MVB12B: variants seen among roughly 807,000 people sequenced by gnomAD.
The protein encoded by MVB12B is multivesicular body subunit 12B, also known as ESCRT-I complex subunit MVB12B.
In MVB12B, 16 loss-of-function variants were observed where a neutral mutation model predicts 41.6. The ratio of observed to expected loss-of-function variants is 0.38; its 90% CI spans 0.26 to 0.58. The LOEUF is 0.58. MVB12B is among the 20% of genes least tolerant of loss of function. MVB12B has a pLI of 0.62. For missense variants in MVB12B, 274 were observed against 380.2 expected, an observed-to-expected ratio of 0.72 and a Z score of 2.32; for synonymous variants, 133 against 139.7, an observed-to-expected ratio of 0.95 and a Z score of 0.34.
At chr9:126,384,950 C>T (rs1442862996) in intron 3 of MVB12B, among the ~76,000 whole-genome samples, 1 of 150,950 alleles carries the variant, frequency 6.6e-6, no homozygotes, top group East Asian at 2.0e-4. Flanking sequence ...AATCCTCCTA[C>T]TTCAGCTTCC....
chr9:126,400,345 A>G (rs998631902), intron 6 of MVB12B, among the ~76,000 whole-genome samples: 1 of 152,198 alleles, frequency 6.6e-6, no homozygotes, highest in African/African-American at 2.4e-5. Context: ...CTTTAAAAAA[A>G]TCAGTAAAGA....
intron 7 of MVB12B, among the ~76,000 whole-genome samples, chr9:126,446,938 C>CTTTTTTTTTTTTTTTTTTCTT (rs1832786109): frequency 1.9e-5 from 2 of 104,324 alleles, no homozygotes; most frequent in Non-Finnish European, 3.6e-5. Context: ...TTTTAACTTT[C>CTTTTTTTTTTTTTTTTTTCTT]TTTTTTTTTT....
intron 7 of MVB12B, among the ~76,000 whole-genome samples, chr9:126,438,304 G>T (rs542689444): frequency 1.3e-5 from 2 of 152,190 alleles, no homozygotes; most frequent in East Asian, 3.9e-4. Flanking sequence ...TATTAACAGA[G>T]GTGTCACTGG....
At chr9:126,434,961 G>T (rs1367053478) in intron 7 of MVB12B, among the ~76,000 whole-genome samples, 3 of 152,154 alleles carry the variant, frequency 2.0e-5, no homozygotes, top group African/African-American at 7.2e-5. Context: ...GATGTTCCAT[G>T]ACACTCAATG....
intron 6 of MVB12B, among the ~76,000 whole-genome samples, chr9:126,411,513 A>G (rs1402005427): frequency 6.6e-6 from 1 of 152,242 alleles, no homozygotes; most frequent in African/African-American, 2.4e-5. Context: ...TTCACTGGGT[A>G]ATACTTGGAA....
intron 7 of MVB12B, among the ~76,000 whole-genome samples, chr9:126,432,763 T>A (rs1482712239): frequency 6.6e-6 from 1 of 152,158 alleles, no homozygotes; most frequent in Non-Finnish European, 1.5e-5. Context: ...ACTGCAGACA[T>A]TGAGCTCGAA....
At chr9:126,450,550 T>C (rs1432779080) in intron 7 of MVB12B, among the ~76,000 whole-genome samples, 1 of 152,158 alleles carries the variant, frequency 6.6e-6, no homozygotes, top group Non-Finnish European at 1.5e-5. Context: ...CTGCATTTGA[T>C]AGGGCTGGTG....
intron 7 of MVB12B, among the ~76,000 whole-genome samples, chr9:126,428,411 T>A (rs1832241246): frequency 6.6e-6 from 1 of 152,136 alleles, no homozygotes; most frequent in African/African-American, 2.4e-5. Flanking sequence ...TACAATGTGA[T>A]CATTTAAAAA....
chr9:126,494,681 G>A (rs1833793848), intron 9 of MVB12B, among the ~76,000 whole-genome samples: 1 of 152,168 alleles, frequency 6.6e-6, no homozygotes, highest in South Asian at 2.1e-4. Flanking sequence ...AAGACAAAGG[G>A]TGGGGAGGGC....
At chr9:126,361,867 T>C (rs548062997) in intron 2 of MVB12B, among the ~76,000 whole-genome samples, 35 of 150,864 alleles carry the variant, frequency 2.3e-4, no homozygotes, top group Non-Finnish European at 4.3e-4. Context: ...TGAGCTGTGA[T>C]TGCGTTACTG....
rs1312980287 is a variant in MVB12B at position 126,340,573 on chromosome 9, C to T, written c.147C>T (p.Pro49=). The change falls in exon 2 of 10, where the codon CCC becomes CCT. Residue 49 remains proline, a synonymous_variant. Coordinates refer to ENST00000361171, the MANE Select transcript of MVB12B (RefSeq NM_033446.3). The surrounding 1 kb of genome is among the most constrained non-coding windows in gnomAD (Gnocchi z 4.0). ...CCTTGCCAGAAACGTCAATGGATCC[C>T]ATCACGGGAGTCGGGGTGGTGGCTT... ...SEALPETSMD[P]ITGVGVVASR... is the part of the protein sequence containing the mutation. 2 of 1,614,074 alleles carry T rather than the reference C, an allele frequency of 1.2e-6. No individual in the cohort carries two copies. Among genetic ancestry groups the T allele is most frequent in the East Asian group, 4.5e-5 (2 of 44,902 alleles).
rs143952903 is a variant in MVB12B at position 126,381,149 on chromosome 9, C to G, written c.290C>G (p.Thr97Arg). 6.2e-7 allele frequency: 1 copy of G among 1,613,534 alleles called. No individual in the cohort carries two copies. The highest frequency in any genetic ancestry group is 1.3e-5 in the African/African-American group (1 of 74,930). The change falls in exon 3 of 10, where the codon ACA (threonine) becomes AGA (arginine). Residue 97 changes from threonine (T) to arginine (R), a missense_variant. Coordinates refer to ENST00000361171, the MANE Select transcript of MVB12B (RefSeq NM_033446.3). Reference protein sequence around the residue: ...KSKVTRYLCFTRSFSKENSHL... With the variant: ...KSKVTRYLCFRRSFSKENSHL... ...AAGGTTACCAGATACCTGTGTTTCA[C>G]AAGATCATTTTCCAAAGAAAATGTA...
At chr9:126,343,010 G>A (rs1300300776) in intron 2 of MVB12B, among the ~76,000 whole-genome samples, 1 of 152,208 alleles carries the variant, frequency 6.6e-6, no homozygotes, top group Non-Finnish European at 1.5e-5. Context: ...CTGCGAGTTA[G>A]GCACCAGATG....
Position 126,340,700 on chromosome 9 carries a change from C to A in MVB12B, c.204+70C>A. ...AAGTATTTATCTCCTGTGTCCAAGACCTTCTGGCCCTTGCGTGTAAGATGT... is the reference window on the plus strand; with the variant it reads ...AAGTATTTATCTCCTGTGTCCAAGAACTTCTGGCCCTTGCGTGTAAGATGT... On this transcript the variant is annotated intron_variant, in intron 2 of 9. Coordinates refer to ENST00000361171, the MANE Select transcript of MVB12B (RefSeq NM_033446.3). The surrounding 1 kb of genome is among the most constrained non-coding windows in gnomAD (Gnocchi z 4.0). 1 of 1,552,154 alleles carries A rather than the reference C, an allele frequency of 6.4e-7. No homozygotes were observed. Among genetic ancestry groups the A allele is most frequent in the Non-Finnish European group, 8.8e-7 (1 of 1,132,586 alleles).
chr9:126,399,165 G>A (rs1831199326), intron 6 of MVB12B, among the ~76,000 whole-genome samples: 1 of 152,230 alleles, frequency 6.6e-6, no homozygotes, highest in Admixed American at 6.5e-5. Flanking sequence ...TGGTGGCTAA[G>A]GTGGTAGAAG....
In MVB12B at chr9:126,436,090, A is replaced by G. The variant is rs1832470288; in HGVS notation, c.757+14142A>G. ...GTATGTCTACTTTATTAAAACAGGT[A>G]ATTTTGGGGAAAAAAAGAGATGCTG... On this transcript the variant is annotated intron_variant, in intron 7 of 9. Coordinates refer to ENST00000361171, the MANE Select transcript of MVB12B (RefSeq NM_033446.3). The surrounding 1 kb of genome is among the most constrained non-coding windows in gnomAD (Gnocchi z 4.1). 6.6e-6 allele frequency among the ~76,000 whole-genome samples: 1 copy of G among 152,218 alleles called. No homozygotes were observed. Among genetic ancestry groups the G allele is most frequent in the Admixed American group, 6.5e-5 (1 of 15,276 alleles).
At position 126,459,731 on chromosome 9, in the gene MVB12B, G is replaced by A. The variant is rs558024762; in HGVS notation, c.758-21638G>A. On this transcript the variant is annotated intron_variant, in intron 7 of 9. Coordinates refer to ENST00000361171, the MANE Select transcript of MVB12B (RefSeq NM_033446.3). The surrounding 1 kb of genome is among the most constrained non-coding windows in gnomAD (Gnocchi z 4.3). Reference sequence around the variant, plus strand: ...GCTTGGAGTGCGCAGTTGTTACAGCGCTCACAGGGGCCGCGCTCACCTGCA... The same window carrying A: ...GCTTGGAGTGCGCAGTTGTTACAGCACTCACAGGGGCCGCGCTCACCTGCA... Among the ~76,000 whole-genome samples the A allele has an allele frequency of 2.0e-5, 3 of 152,210 alleles. No individual in the cohort carries two copies. The highest frequency in any genetic ancestry group is 2.1e-4 in the South Asian group (1 of 4,818).
Position 126,486,527 on chromosome 9 carries a change from G to A in MVB12B, c.873+2495G>A, listed in dbSNP as rs897313490. ...GAACCTGTCTCACGGGGTGCTTTGT[G>A]ATGCCAAATGGATATAGGTGGGACG... On this transcript the variant is annotated intron_variant, in intron 9 of 9. Transcript: ENST00000361171. This position sits in a 1 kb window ranked among gnomAD's most constrained non-coding sequence, Gnocchi z 4.7. Among the ~76,000 whole-genome samples, 3 of 152,240 alleles carry A rather than the reference G, an allele frequency of 2.0e-5. No homozygotes were observed. The highest frequency in any genetic ancestry group is 7.2e-5 in the African/African-American group (3 of 41,466).
chr9:126,459,822 T>G lies in MVB12B; in HGVS notation c.758-21547T>G, dbSNP rs978475973. On this transcript the variant is annotated intron_variant, in intron 7 of 9. Coordinates refer to ENST00000361171, the MANE Select transcript of MVB12B (RefSeq NM_033446.3). This position sits in a 1 kb window ranked among gnomAD's most constrained non-coding sequence, Gnocchi z 4.3. ...CCCACAGGGGCCGCTTGTCTCACAG[T>G]CAGAATCGCCAGCTTCAGCCCACCC... 1.2e-4 allele frequency among the ~76,000 whole-genome samples: 18 copies of G among 152,122 alleles called. No individual in the cohort carries two copies. Among genetic ancestry groups the G allele is most frequent in the Non-Finnish European group, 4.4e-5 (3 of 68,012 alleles).
Sources: gnomAD v4.1 joint callset for allele counts (sites outside exome capture counted in the v4.1 genomes callset) on GRCh38, gnomAD v4.1.1 for gene constraint, Gnocchi (gnomAD v3.1) non-coding constraint, MANE v1.5 for transcripts, NCBI Gene and HGNC (gene_info 2026-07-23, HGNC 2026-07-21) for gene names.